RAB3C: variants seen among roughly 807,000 people sequenced by gnomAD.
RAB3C encodes the protein RAB3C, member RAS oncogene family.
RAB3C carries 17 observed loss-of-function variants against 26.4 expected under a neutral mutation model. The observed-to-expected ratio is 0.64, with a 90% CI of 0.44 to 0.97. The LOEUF (loss-of-function observed/expected upper bound fraction) is 0.97, where lower values mean the gene tolerates loss of function less well. Among genes scored for constraint, RAB3C ranks in the 50% least tolerant of loss-of-function variants. RAB3C has a pLI of 0.00. For synonymous variants in RAB3C, 91 were observed against 95.9 expected (o/e 0.95, Z 0.30); for missense variants, 242 against 281.9 (o/e 0.86, Z 1.01).
At chr5:58,811,530 C>G (rs1743090284) in intron 3 of RAB3C, among the ~76,000 whole-genome samples, 1 of 152,076 alleles carries the variant, frequency 6.6e-6, no homozygotes, top group Non-Finnish European at 1.5e-5. Flanking sequence ...ATCTGTTTTA[C>G]CAGAACCCAA....
intron 1 of RAB3C, among the ~76,000 whole-genome samples, chr5:58,613,172 AG>A (rs1746751021): frequency 6.6e-6 from 1 of 152,142 alleles, no homozygotes; most frequent in African/African-American, 2.4e-5. Flanking sequence ...CTGGGAAAAC[AG>A]TAGTTAAAAT....
At chr5:58,653,888 C>T (rs77260314) in intron 2 of RAB3C, among the ~76,000 whole-genome samples, 2,453 of 152,212 alleles carry the variant, frequency 0.016, 21 homozygotes, top group Non-Finnish European at 0.024. Flanking sequence ...ATCCTAATTC[C>T]CACAATCTTC....
chr5:58,633,124 A>T lies in RAB3C; in HGVS notation c.252+15254A>T, dbSNP rs530749602. Among the ~76,000 whole-genome samples, 6 of 152,344 alleles carry T rather than the reference A, an allele frequency of 3.9e-5. No homozygotes were observed. The South Asian group carries it at 1.2e-3, about 32-fold the overall frequency. ...AAAGGAAGGCATATGGAAAATTCCA[A>T]TGACTAGAGGGAACTGACCTGTTTT... On this transcript the variant is annotated intron_variant, in intron 2 of 4. Coordinates refer to ENST00000282878, the MANE Select transcript of RAB3C (RefSeq NM_138453.4).
rs185295174 is a variant in RAB3C at position 58,697,096 on chromosome 5, G to A, written c.253-28906G>A. Among the ~76,000 whole-genome samples, 49 of 152,210 alleles carry A rather than the reference G, an allele frequency of 3.2e-4. No homozygotes were observed. In the East Asian group the frequency reaches 8.9e-3, roughly 28 times the overall value. On this transcript the variant is annotated intron_variant, in intron 2 of 4. Coordinates refer to ENST00000282878, the MANE Select transcript of RAB3C (RefSeq NM_138453.4). ...TTTCCCTCTACACACTGCTTTAAAC[G>A]TGTCCCAGAGGTTCTGGTACGTTGT...
At chr5:58,629,657 T>A (rs1004068702) in intron 2 of RAB3C, among the ~76,000 whole-genome samples, 37 of 152,044 alleles carry the variant, frequency 2.4e-4, no homozygotes, top group African/African-American at 8.7e-4. Context: ...AAGGGGAGCG[T>A]TTATGTATGC....
At chr5:58,765,830 A>G (rs776094358) in intron 3 of RAB3C, among the ~76,000 whole-genome samples, 2 of 152,118 alleles carry the variant, frequency 1.3e-5, no homozygotes, top group Non-Finnish European at 2.9e-5. Context: ...GAGTTACAGG[A>G]GGGGCCTGGT....
intron 3 of RAB3C, among the ~76,000 whole-genome samples, chr5:58,740,620 G>C (rs1296703679): frequency 6.6e-6 from 1 of 152,132 alleles, no homozygotes; most frequent in African/African-American, 2.4e-5. Flanking sequence ...AAGAGATAAA[G>C]ATCAGCCTGG....
chr5:58,639,047 C>T (rs1426018399), intron 2 of RAB3C, among the ~76,000 whole-genome samples: 1 of 152,154 alleles, frequency 6.6e-6, no homozygotes, highest in Non-Finnish European at 1.5e-5. Flanking sequence ...TGAAACACTG[C>T]CACTCTCACA....
intron 3 of RAB3C, among the ~76,000 whole-genome samples, chr5:58,743,187 C>T (rs1158439373): frequency 6.6e-6 from 1 of 152,140 alleles, no homozygotes; most frequent in East Asian, 1.9e-4. Context: ...TCCTAACTTA[C>T]AAGGTGGCCA....
intron 4 of RAB3C, among the ~76,000 whole-genome samples, chr5:58,839,558 TG>T (rs374524261): frequency 3.9e-4 from 59 of 151,988 alleles, no homozygotes; most frequent in African/African-American, 1.2e-3. Flanking sequence ...TTAGTAGAGA[TG>T]GGGTTTCTCC....
chr5:58,593,138 T>G (rs961226915), intron 1 of RAB3C, among the ~76,000 whole-genome samples: 1 of 152,154 alleles, frequency 6.6e-6, no homozygotes, highest in Non-Finnish European at 1.5e-5. Context: ...ATGATTTCTA[T>G]TGATTTATTT....
intron 3 of RAB3C, among the ~76,000 whole-genome samples, chr5:58,764,030 CT>C (rs755412160): frequency 1.8e-4 from 28 of 152,092 alleles, no homozygotes; most frequent in Non-Finnish European, 3.8e-4. Context: ...TAATTATTTT[CT>C]TTAAAAAATA....
At chr5:58,841,203 A>C (rs2112079813) in intron 4 of RAB3C, among the ~76,000 whole-genome samples, 1 of 152,154 alleles carries the variant, frequency 6.6e-6, no homozygotes, top group Non-Finnish European at 1.5e-5. Context: ...CTGCTCAGAG[A>C]CTCAGGTCCT....
intron 2 of RAB3C, among the ~76,000 whole-genome samples, chr5:58,725,311 CT>C (rs930925117): frequency 1.3e-5 from 2 of 151,712 alleles, no homozygotes; most frequent in Admixed American, 6.6e-5. Flanking sequence ...ATTGGAGCTC[CT>C]TTATATGTTA....
At chr5:58,650,698 T>C (rs1356859870) in intron 2 of RAB3C, among the ~76,000 whole-genome samples, 1 of 152,188 alleles carries the variant, frequency 6.6e-6, no homozygotes, top group Admixed American at 6.5e-5. Flanking sequence ...TTGCTAAGCC[T>C]CTTTTATCAT....
intron 3 of RAB3C, among the ~76,000 whole-genome samples, chr5:58,771,074 A>G (rs1409838738): frequency 6.6e-6 from 1 of 152,150 alleles, no homozygotes; most frequent in African/African-American, 2.4e-5. Context: ...ATCTGAACAT[A>G]TAGAGGCCAA....
chr5:58,696,620 A>G (rs1435050950), intron 2 of RAB3C, among the ~76,000 whole-genome samples: 1 of 152,124 alleles, frequency 6.6e-6, no homozygotes, highest in Non-Finnish European at 1.5e-5. Flanking sequence ...GTCTATTCAG[A>G]GATTAAACTT....
In RAB3C at chr5:58,808,224, C is replaced by CAA. The variant is rs773339041; in HGVS notation, c.372-16797_372-16796dup. 6.8e-3 allele frequency among the ~76,000 whole-genome samples: 433 copies of CAA among 63,606 alleles called. 10 individuals are homozygous for CAA. Among genetic ancestry groups the CAA allele is most frequent in the African/African-American group, 0.019 (369 of 19,246 alleles). The allele number at this position is 63,606 out of a possible 152,430, so 41.7% of individuals were successfully genotyped here. A position where few individuals can be genotyped will look rare whatever the true frequency, so the allele number is the denominator to read the frequency against. The stretch of plus-strand genomic sequence containing the variant: ...TGGGTGACAGAGCAAGACTCCGTCT[C>CAA]AAAAAAAAAAAAAAAAAAGAAATAA... On this transcript the variant is annotated intron_variant, in intron 3 of 4. Coordinates refer to ENST00000282878, the MANE Select transcript of RAB3C (RefSeq NM_138453.4).
At chr5:58,614,941 A>G (rs1746793808) in intron 1 of RAB3C, among the ~76,000 whole-genome samples, 1 of 152,148 alleles carries the variant, frequency 6.6e-6, no homozygotes, top group Non-Finnish European at 1.5e-5. Flanking sequence ...TGTGTTAGGT[A>G]TTATAAATAA....
Sources: gnomAD v4.1 joint callset for allele counts (sites outside exome capture counted in the v4.1 genomes callset) on GRCh38, gnomAD v4.1.1 for gene constraint, MANE v1.5 for transcripts, NCBI Gene and HGNC (gene_info 2026-07-23, HGNC 2026-07-21) for gene names.